The following MARCHF7 variants were observed in gnomAD, a reference collection of about 807,000 sequenced individuals.
MARCHF7 encodes membrane associated ring-CH-type finger 7.
Under a neutral mutation model 76.5 loss-of-function variants are expected in MARCHF7, and 20 were observed. The ratio of observed to expected loss-of-function variants is 0.26; its 90% CI spans 0.18 to 0.38. MARCHF7 has a LOEUF of 0.38. MARCHF7 is among the 10% of genes least tolerant of loss of function. The pLI is 1.00. For synonymous variants in MARCHF7, 295 were observed against 293.0 expected, an observed-to-expected ratio of 1.01 and a Z score of -0.07; for missense variants, 797 against 812.9, an observed-to-expected ratio of 0.98 and a Z score of 0.24.
At chr2:159,732,667 C>A (rs1168178833) in intron 4 of MARCHF7, among the ~76,000 whole-genome samples, 1 of 152,092 alleles carries the variant, frequency 6.6e-6, no homozygotes, top group Non-Finnish European at 1.5e-5. Flanking sequence ...TGCGCAGCCC[C>A]CTGCCACACA....
intron 4 of MARCHF7, among the ~76,000 whole-genome samples, chr2:159,737,200 T>C (rs750364200): frequency 9.9e-5 from 15 of 152,176 alleles, no homozygotes; most frequent in Non-Finnish European, 2.1e-4. Flanking sequence ...AATTAAAATT[T>C]GTGTGCATCG....
chr2:159,718,990 CTTA>C (rs1469308138), intron 3 of MARCHF7, among the ~76,000 whole-genome samples: 4 of 151,944 alleles, frequency 2.6e-5, no homozygotes, highest in African/African-American at 9.7e-5. Context: ...CTTCTAATTG[CTTA>C]TTATTATTAT....
intron 8 of MARCHF7, among the ~76,000 whole-genome samples, chr2:159,756,707 AAAAAAAAC>A (rs199692962): frequency 0.028 from 4,157 of 148,674 alleles, 242 homozygotes; most frequent in African/African-American, 0.098. Flanking sequence ...AAAAAAAAAA[AAAAAAAAC>A]AGATGATTCA....
intron 6 of MARCHF7, among the ~76,000 whole-genome samples, 185 bp downstream of exon 6, chr2:159,746,122 G>T (rs953563010): frequency 6.6e-6 from 1 of 152,110 alleles, no homozygotes; most frequent in African/African-American, 2.4e-5. Flanking sequence ...TACAGTCGAT[G>T]AATATGAGTA....
At chr2:159,726,412 G>A (rs1032717427) in intron 3 of MARCHF7, among the ~76,000 whole-genome samples, 3 of 152,050 alleles carry the variant, frequency 2.0e-5, no homozygotes, top group Admixed American at 1.3e-4. Context: ...ACAGGCGCCC[G>A]CTACCACGGC....
intron 8 of MARCHF7, among the ~76,000 whole-genome samples, chr2:159,754,674 G>C (rs568176436): frequency 1.3e-5 from 2 of 152,262 alleles, no homozygotes; most frequent in African/African-American, 4.8e-5. Context: ...GGAGAAAGAA[G>C]ATGGGGTCCA....
chr2:159,752,748 T>C (rs2125641153), intron 8 of MARCHF7, among the ~76,000 whole-genome samples, 177 bp downstream of exon 8: 2 of 152,212 alleles, frequency 1.3e-5, no homozygotes, highest in Admixed American at 1.3e-4. Flanking sequence ...TTTTTAGTAA[T>C]GTGTCTTATG....
chr2:159,758,207 A>C (rs1254094773), intron 8 of MARCHF7, among the ~76,000 whole-genome samples: 2 of 152,236 alleles, frequency 1.3e-5, no homozygotes, highest in African/African-American at 4.8e-5. Flanking sequence ...ACAAAGGAAA[A>C]GGCAGAAAGA....
rs1553788076 is a variant in MARCHF7, at chr2:159,764,255, T to TGCGCGCGC, written c.2008-370_2008-363dup. On this transcript the variant is annotated intron_variant, in intron 10 of 11. Coordinates refer to ENST00000409175, the MANE Select transcript of MARCHF7 (RefSeq NM_001282805.2). ...GTGTGTGTGTGTGTGTGTGTGTGTG[T>TGCGCGCGC]GCGCGCGCCCACTGAAACTGAATTT... 5.4e-4 allele frequency among the ~76,000 whole-genome samples: 71 copies of TGCGCGCGC among 131,462 alleles called. 2 individuals are homozygous for TGCGCGCGC. The highest frequency in any genetic ancestry group is 1.9e-3 in the South Asian group (8 of 4,154). The allele number at this position is 131,462 out of a possible 152,430, so 86.2% of individuals were successfully genotyped here.
chr2:159,762,090 A>G (rs772759459), intron 9 of MARCHF7, among the ~76,000 whole-genome samples: 3 of 152,204 alleles, frequency 2.0e-5, no homozygotes, highest in Non-Finnish European at 4.4e-5. Flanking sequence ...CATATACCCT[A>G]TAGTTCAATA....
intron 4 of MARCHF7, among the ~76,000 whole-genome samples, chr2:159,738,843 C>T (rs1703779719): frequency 6.6e-6 from 1 of 152,258 alleles, no homozygotes; most frequent in Non-Finnish European, 1.5e-5. Context: ...GGACCTGCCC[C>T]TTTTCACCCA....
At chr2:159,759,432 AAAT>A (rs748108242) in intron 9 of MARCHF7, 97 bp downstream of exon 9, 77 of 537,804 alleles carry the variant, frequency 1.4e-4, no homozygotes, top group Middle Eastern at 8.3e-4. Flanking sequence ...CCTTGCATTA[AAAT>A]AATAATAATA....
intron 3 of MARCHF7, among the ~76,000 whole-genome samples, chr2:159,726,218 G>GGTTTTGTTTTGTTTT (rs71969424): frequency 3.9e-5 from 5 of 127,856 alleles, no homozygotes; most frequent in African/African-American, 7.9e-5. Flanking sequence ...TCCAGATACA[G>GGTTTTGTTTTGTTTT]GTTTTGTTTT....
chr2:159,717,624 A>C (rs773286704), intron 3 of MARCHF7, among the ~76,000 whole-genome samples: 2 of 152,222 alleles, frequency 1.3e-5, no homozygotes, highest in South Asian at 2.1e-4. Context: ...GTAGCTACTA[A>C]GGCTGTAAAC....
intron 4 of MARCHF7, among the ~76,000 whole-genome samples, chr2:159,736,905 G>T (rs1199580125): frequency 6.6e-6 from 1 of 152,152 alleles, no homozygotes; most frequent in Non-Finnish European, 1.5e-5. Context: ...CTTTGGTTGG[G>T]CTAGATAGCC....
At chr2:159,721,577 A>C (rs1373597385) in intron 3 of MARCHF7, among the ~76,000 whole-genome samples, 1 of 152,222 alleles carries the variant, frequency 6.6e-6, no homozygotes, top group Non-Finnish European at 1.5e-5. Flanking sequence ...AATAAGTGAA[A>C]AATCTCAAAT....
intron 4 of MARCHF7, among the ~76,000 whole-genome samples, chr2:159,741,323 C>G (rs1704094997): frequency 1.3e-5 from 2 of 152,260 alleles, no homozygotes; most frequent in South Asian, 4.1e-4. Context: ...TGCACTCCAG[C>G]CTGGGCAACA....
chr2:159,715,400 TCTCA>T (rs1208196962), intron 2 of MARCHF7, among the ~76,000 whole-genome samples: 2 of 151,742 alleles, frequency 1.3e-5, no homozygotes, highest in Admixed American at 1.3e-4. Flanking sequence ...TGTGACAGGG[TCTCA>T]CTCTGTTTTT....
chr2:159,725,455 G>A (rs1321991702), intron 3 of MARCHF7, among the ~76,000 whole-genome samples: 1 of 152,146 alleles, frequency 6.6e-6, no homozygotes, highest in Non-Finnish European at 1.5e-5. Context: ...ATTTTTTCAT[G>A]TGTCTGTTGG....
Sources: gnomAD v4.1 joint callset for allele counts (sites outside exome capture counted in the v4.1 genomes callset) on GRCh38, gnomAD v4.1.1 for gene constraint, MANE v1.5 for transcripts, NCBI Gene and HGNC (gene_info 2026-07-23, HGNC 2026-07-21) for gene names.